Variants in CRYL1 observed in about 807,000 individuals in gnomAD.
CRYL1 encodes the protein crystallin lambda 1.
A neutral mutation model predicts 36.6 loss-of-function variants in CRYL1; 29 were observed. That is an observed-to-expected ratio of 0.79 (90% CI 0.59 to 1.08). CRYL1 has a LOEUF of 1.08. Ranked by LOEUF, CRYL1 falls within the 50% of genes least tolerant of loss-of-function variation. The pLI, the probability that CRYL1 is intolerant of heterozygous loss-of-function variation, is 0.00. For synonymous variants in CRYL1, 152 were observed against 151.5 expected (o/e 1.00, Z -0.02); for missense variants, 411 against 407.9 (o/e 1.01, Z -0.06).
chr13:20,521,922 C>A (rs568549838), intron 1 of CRYL1, among the ~76,000 whole-genome samples: 1 of 152,138 alleles, frequency 6.6e-6, no homozygotes, highest in Admixed American at 6.5e-5. Flanking sequence ...CTGCGAAGGG[C>A]ACATTTAGTG....
intron 2 of CRYL1, among the ~76,000 whole-genome samples, chr13:20,492,282 T>C (rs1431408892): frequency 6.6e-6 from 1 of 152,246 alleles, no homozygotes; most frequent in Non-Finnish European, 1.5e-5. Context: ...ACCACTGAAT[T>C]GGACGTGTCA....
At chr13:20,443,543 C>T (rs12859442) in intron 3 of CRYL1, among the ~76,000 whole-genome samples, 36,442 of 151,970 alleles carry the variant, frequency 0.24, 4,918 homozygotes, top group Non-Finnish European at 0.3. Flanking sequence ...CAGGCCTGCA[C>T]CACCACACCC....
intron 5 of CRYL1, chr13:20,418,336 G>C (rs959668106): frequency 6.6e-6 from 1 of 152,162 alleles, no homozygotes; most frequent in Admixed American, 6.5e-5. Flanking sequence ...GGGGAGAAGA[G>C]GAAGCAAGAC....
At chr13:20,414,204 A>AC (rs2031596656) in intron 5 of CRYL1, among the ~76,000 whole-genome samples, 2 of 15,400 alleles carry the variant, frequency 1.3e-4, no homozygotes, top group Non-Finnish European at 3.0e-4. Context: ...AAATTAAAAA[A>AC]ATACACACAC....
chr13:20,475,061 G>A (rs753371735), intron 3 of CRYL1, among the ~76,000 whole-genome samples: 7 of 152,120 alleles, frequency 4.6e-5, no homozygotes, highest in Non-Finnish European at 5.9e-5. Context: ...AAGTCCTCTC[G>A]CGATGTCCAT....
intron 3 of CRYL1, among the ~76,000 whole-genome samples, chr13:20,449,741 A>G (rs913214602): frequency 2.0e-5 from 3 of 152,228 alleles, no homozygotes; most frequent in Non-Finnish European, 4.4e-5. Context: ...TGACTTCAAT[A>G]AAGTTTCAAG....
chr13:20,473,986 A>G (rs535461120), intron 3 of CRYL1, among the ~76,000 whole-genome samples: 1 of 152,256 alleles, frequency 6.6e-6, no homozygotes, highest in Admixed American at 6.5e-5. Flanking sequence ...GCTATTAATG[A>G]CAGGCATCGG....
chr13:20,515,748 A>G (rs2033987873), intron 1 of CRYL1: 1 of 152,218 alleles, frequency 6.6e-6, no homozygotes, highest in South Asian at 2.1e-4. Flanking sequence ...ACAGAAAGCT[A>G]GAAGGGTGGA....
chr13:20,517,863 G>C (rs1280418014), intron 1 of CRYL1, among the ~76,000 whole-genome samples: 1 of 149,092 alleles, frequency 6.7e-6, no homozygotes, highest in Non-Finnish European at 1.5e-5. Context: ...GTGAACCCGG[G>C]AGGCGGAGCT....
chr13:20,478,837 C>T (rs1189399734), intron 3 of CRYL1, among the ~76,000 whole-genome samples: 1 of 152,204 alleles, frequency 6.6e-6, no homozygotes, highest in Non-Finnish European at 1.5e-5. Flanking sequence ...GCTGCAACCT[C>T]CGCCTCCCAG....
At chr13:20,469,771 G>A (rs143811660) in intron 3 of CRYL1, among the ~76,000 whole-genome samples, 32 of 152,338 alleles carry the variant, frequency 2.1e-4, no homozygotes, top group African/African-American at 7.7e-4. Flanking sequence ...CCTGTCAAAG[G>A]TCTTGGCTGA....
chr13:20,427,626 G>A (rs530150458), intron 5 of CRYL1, among the ~76,000 whole-genome samples: 1 of 148,960 alleles, frequency 6.7e-6, no homozygotes, highest in East Asian at 2.0e-4. Flanking sequence ...TTCTTAGAAT[G>A]TCTCTTTAAT....
chr13:20,485,140 C>G (rs967160236), intron 3 of CRYL1, among the ~76,000 whole-genome samples: 9 of 152,124 alleles, frequency 5.9e-5, no homozygotes, highest in African/African-American at 2.2e-4. Context: ...GCCTCAGCCT[C>G]TCAAGTAGCT....
intron 3 of CRYL1, among the ~76,000 whole-genome samples, chr13:20,444,780 G>A (rs991928580): frequency 5.3e-5 from 8 of 152,156 alleles, no homozygotes; most frequent in Non-Finnish European, 7.4e-5. Context: ...GCAGTGGTGC[G>A]ATCTCGGCTC....
chr13:20,431,899 G>C, intron 5 of CRYL1: 2 of 1,515,594 alleles, frequency 1.3e-6, no homozygotes, highest in Non-Finnish European at 1.8e-6. Context: ...CTCTCAGGCA[G>C]ACAGTGAATC....
rs2032084324 is a variant in CRYL1 at position 20,432,261 on chromosome 13, C to CAGCT, written c.470_473dup (p.Val159AlafsTer61). On this transcript the variant is annotated frameshift_variant, in exon 5 of 8. Coordinates refer to ENST00000298248, the MANE Select transcript of CRYL1 (RefSeq NM_015974.3). LOFTEE classifies it high-confidence loss of function. ...TAGGGGCCGTCTCCGGGTGGGGGAC[C>CAGCT]AGCTCAACCAGCGGGATGTAGTATG... is the stretch of plus-strand genomic sequence containing the variant. 6.2e-7 allele frequency: 1 copy of CAGCT among 1,613,074 alleles called. No individual in the cohort carries two copies. Among genetic ancestry groups the CAGCT allele is most frequent in the Admixed American group, 1.7e-5 (1 of 59,896 alleles).
intron 2 of CRYL1, among the ~76,000 whole-genome samples, chr13:20,493,864 C>T (rs573177455): frequency 3.3e-5 from 5 of 152,292 alleles, no homozygotes; most frequent in African/African-American, 1.2e-4. Context: ...CACTGGCTGA[C>T]TATCAGAGGC....
rs145115936 is a variant in CRYL1 at position 20,516,390 on chromosome 13, A to C, written c.42-3840T>G. Among the ~76,000 whole-genome samples, 660 of 152,196 alleles carry C rather than the reference A, an allele frequency of 4.3e-3. 6 individuals are homozygous for C. The highest frequency in any genetic ancestry group is 0.015 in the African/African-American group (623 of 41,514). On this transcript the variant is annotated intron_variant, in intron 1 of 7. Coordinates refer to ENST00000298248, the MANE Select transcript of CRYL1 (RefSeq NM_015974.3). ...ACTTTCTCACTAGCCTAGAGGAAAT[A>C]TGTATTTGTAACATTTCAATCTCAG...
At chr13:20,474,726 C>T (rs540823901) in intron 3 of CRYL1, among the ~76,000 whole-genome samples, 12 of 152,280 alleles carry the variant, frequency 7.9e-5, no homozygotes, top group African/African-American at 2.6e-4. Context: ...CAGGGGGACA[C>T]ACACAACCTT....
Sources: allele counts gnomAD v4.1 joint callset (sites outside exome capture counted in the v4.1 genomes callset), GRCh38; gene constraint gnomAD v4.1.1; transcripts MANE v1.5; gene names NCBI Gene and HGNC (gene_info 2026-07-23, HGNC 2026-07-21).